Variants in ANKFN1 observed in about 807,000 individuals in gnomAD.
ANKFN1 encodes ankyrin repeat and fibronectin type III domain containing 1, also known as ankyrin repeat and fibronectin type-III domain-containing protein 1.
ANKFN1 carries 74 observed loss-of-function variants against 108.7 expected under a neutral mutation model. The observed-to-expected ratio is 0.68, with a 90% confidence interval of 0.56 to 0.83. ANKFN1 has a LOEUF of 0.83. Among genes scored for constraint, ANKFN1 ranks in the 40% least tolerant of loss-of-function variants. The pLI, the probability that ANKFN1 is intolerant of heterozygous loss-of-function variation, is 0.00. For missense variants in ANKFN1, 1,505 were observed against 1,382.3 expected (o/e 1.09, Z -1.41); for synonymous variants, 547 against 516.2 (o/e 1.06, Z -0.81).
chr17:56,326,167 T>C lies in ANKFN1; in HGVS notation c.54-54T>C. 6.5e-6 allele frequency: 10 copies of C among 1,549,962 alleles called. No individual in the cohort carries two copies. In the South Asian group the frequency reaches 1.2e-4, roughly 19 times the overall value. On this transcript the variant is annotated intron_variant, in intron 3 of 20. Transcript: ENST00000682825. The stretch of plus-strand genomic sequence containing the variant: ...TGCATTAAGAGTATCTTCATGATCA[T>C]GGACTTCGGCTCTTGCCTGTAGTGA...
In ANKFN1 at chr17:56,510,866, G is replaced by A. The variant is rs932520451; in HGVS notation, c.3038G>A (p.Arg1013His). The A allele has an allele frequency of 1.2e-5, 18 of 1,535,970 alleles. No individual in the cohort carries two copies. Among genetic ancestry groups the A allele is most frequent in the East Asian group, 7.3e-5 (3 of 40,914 alleles). Reference sequence around the variant, plus strand: ...CACCCCCACTATGGCGGCTTCAGCCGCCATCATCGCTGGTTGCGCATCCAC... The same window carrying A: ...CACCCCCACTATGGCGGCTTCAGCCACCATCATCGCTGGTTGCGCATCCAC... ...GKHPHYGGFSRHHRWLRIHSE... is the reference protein window; with the variant it reads ...GKHPHYGGFSHHHRWLRIHSE... The change falls in exon 21 of 21, where the codon CGC becomes CAC. Residue 1013 changes from arginine (R) to histidine (H), a missense_variant. Arg to His is a conservative substitution (Grantham distance 29). Transcript: ENST00000682825.
At chr17:56,354,900 G>A (rs1031455338) in intron 6 of ANKFN1, among the ~76,000 whole-genome samples, 16 of 152,208 alleles carry the variant, frequency 1.1e-4, no homozygotes, top group Admixed American at 1.0e-3. Flanking sequence ...ACATGGGGAA[G>A]CATATATTTC....
chr17:56,259,119 T>G (rs576262717), intron 3 of ANKFN1, among the ~76,000 whole-genome samples: 1 of 152,238 alleles, frequency 6.6e-6, no homozygotes, highest in South Asian at 2.1e-4. Flanking sequence ...TCTCCATTTT[T>G]GAGGGAACAA....
intron 8 of ANKFN1, among the ~76,000 whole-genome samples, chr17:56,420,683 C>CTT (rs755355387): frequency 3.6e-4 from 43 of 119,568 alleles, no homozygotes; most frequent in South Asian, 1.7e-3. Flanking sequence ...CTGACTCCTT[C>CTT]TTTTTTTTTT....
intron 4 of ANKFN1, among the ~76,000 whole-genome samples, chr17:56,060,862 G>A (rs148913151): frequency 0.033 from 5,012 of 152,262 alleles, 266 homozygotes; most frequent in African/African-American, 0.11. Flanking sequence ...TCACATCGAT[G>A]TTCAACAGGG....
At chr17:56,306,320 A>AT (rs566123359) in intron 3 of ANKFN1, among the ~76,000 whole-genome samples, 1 of 152,056 alleles carries the variant, frequency 6.6e-6, no homozygotes, top group Non-Finnish European at 1.5e-5. Flanking sequence ...TAAGATCTTG[A>AT]TTTTTTTCCA....
intron 19 of ANKFN1, among the ~76,000 whole-genome samples, chr17:56,497,448 T>G (rs1468286355): frequency 1.3e-5 from 2 of 152,150 alleles, no homozygotes; most frequent in African/African-American, 4.8e-5. Flanking sequence ...ACACTGCCAT[T>G]CACTAGTTCA....
intron 4 of ANKFN1, among the ~76,000 whole-genome samples, chr17:56,120,902 C>A (rs991142543): frequency 3.3e-5 from 5 of 152,172 alleles, no homozygotes; most frequent in Non-Finnish European, 7.4e-5. Context: ...TTGCCCCATA[C>A]CACCAACTCT....
chr17:56,396,413 T>G (rs1490816668), intron 8 of ANKFN1, among the ~76,000 whole-genome samples: 4 of 151,962 alleles, frequency 2.6e-5, no homozygotes, highest in African/African-American at 9.7e-5. Context: ...GCGCCACTGC[T>G]CTCCATCCTG....
chr17:56,502,459 C>T (rs1428042295), intron 20 of ANKFN1, among the ~76,000 whole-genome samples: 1 of 152,134 alleles, frequency 6.6e-6, no homozygotes, highest in East Asian at 1.9e-4. Flanking sequence ...TCTTGGAAGC[C>T]AAGATTCCAT....
chr17:56,256,365 G>A (rs919870850), intron 3 of ANKFN1, among the ~76,000 whole-genome samples: 25 of 152,136 alleles, frequency 1.6e-4, no homozygotes, highest in African/African-American at 5.8e-4. Context: ...TTTCCTCATG[G>A]CAGACAAAAG....
chr17:56,291,972 T>G (rs1021632987), intron 3 of ANKFN1, among the ~76,000 whole-genome samples: 1 of 152,176 alleles, frequency 6.6e-6, no homozygotes, highest in Non-Finnish European at 1.5e-5. Context: ...AAATTTTTAT[T>G]ATCTTTAGGG....
At chr17:56,174,681 G>C (rs978091070) in intron 1 of ANKFN1, among the ~76,000 whole-genome samples, 1 of 152,150 alleles carries the variant, frequency 6.6e-6, no homozygotes, top group African/African-American at 2.4e-5. Context: ...GGGACACTCA[G>C]ACCCCTACCT....
intron 4 of ANKFN1, among the ~76,000 whole-genome samples, chr17:56,097,923 A>G (rs756262914): frequency 3.9e-5 from 6 of 152,192 alleles, no homozygotes; most frequent in Non-Finnish European, 7.3e-5. Flanking sequence ...CTCCAAAAAT[A>G]TATCCATGGT....
intron 3 of ANKFN1, among the ~76,000 whole-genome samples, chr17:56,237,109 C>T (rs1917211426): frequency 1.3e-5 from 2 of 152,140 alleles, no homozygotes; most frequent in African/African-American, 4.8e-5. Flanking sequence ...AGGGATGAAG[C>T]CTACTTGATT....
At chr17:56,418,106 A>T (rs1427403065) in intron 8 of ANKFN1, among the ~76,000 whole-genome samples, 4 of 152,162 alleles carry the variant, frequency 2.6e-5, no homozygotes, top group African/African-American at 9.7e-5. Flanking sequence ...TTTGATCATA[A>T]TTATTAAGTG....
chr17:56,056,535 C>T (rs1400256846), intron 4 of ANKFN1, among the ~76,000 whole-genome samples: 3 of 152,178 alleles, frequency 2.0e-5, no homozygotes, highest in Non-Finnish European at 2.9e-5. Context: ...CTACAATCAA[C>T]TGATCTTTGA....
At chr17:56,255,805 T>C (rs1046040213) in intron 3 of ANKFN1, among the ~76,000 whole-genome samples, 34 of 152,330 alleles carry the variant, frequency 2.2e-4, no homozygotes, top group African/African-American at 7.5e-4. Flanking sequence ...TATCATTACT[T>C]GTTAAGCATC....
At chr17:56,116,121 G>A (rs563915014) in intron 4 of ANKFN1, among the ~76,000 whole-genome samples, 15 of 152,180 alleles carry the variant, frequency 9.9e-5, no homozygotes, top group Middle Eastern at 3.4e-3. Flanking sequence ...AGGTAGAACC[G>A]AGCATCCTCT....
Sources: allele counts gnomAD v4.1 joint callset (sites outside exome capture counted in the v4.1 genomes callset), GRCh38; gene constraint gnomAD v4.1.1; transcripts MANE v1.5; gene names NCBI Gene and HGNC (gene_info 2026-07-23, HGNC 2026-07-21).